MAPK9: variants seen among roughly 807,000 people sequenced by gnomAD.
MAPK9 encodes the protein mitogen-activated protein kinase 9, also known as Jun kinase.
MAPK9 carries 30 observed loss-of-function variants against 57.1 expected under a neutral mutation model. The ratio of observed to expected loss-of-function variants is 0.53; its 90% CI spans 0.39 to 0.71. The LOEUF (loss-of-function observed/expected upper bound fraction) is 0.71, where lower values mean the gene tolerates loss of function less well. MAPK9 is among the 30% of genes least tolerant of loss of function. The probability of loss-of-function intolerance (pLI) is 0.00; values close to 1 mark genes in which losing one functional copy is unlikely to be tolerated. For synonymous variants in MAPK9, 155 were observed against 177.0 expected, an observed-to-expected ratio of 0.88 and a Z score of 0.99; for missense variants, 362 against 521.0, an observed-to-expected ratio of 0.69 and a Z score of 2.97.
intron 6 of MAPK9, among the ~76,000 whole-genome samples, chr5:180,248,610 G>C (rs890299340): frequency 6.6e-6 from 1 of 152,206 alleles, no homozygotes; most frequent in Non-Finnish European, 1.5e-5. Context: ...TGGAGATCAG[G>C]AGATTGGCCA....
intron 10 of MAPK9, among the ~76,000 whole-genome samples, chr5:180,238,969 T>G (rs1757427614): frequency 6.6e-6 from 1 of 152,202 alleles, no homozygotes; most frequent in Non-Finnish European, 1.5e-5. Flanking sequence ...TGGTTCTGGA[T>G]CCATAAGGGG....
At chr5:180,237,589 C>T (rs1474475571) in intron 11 of MAPK9, 2 of 152,128 alleles carry the variant, frequency 1.3e-5, no homozygotes, top group Non-Finnish European at 2.9e-5. Context: ...TTGGGTGGGA[C>T]CAGTACAAAG....
intron 5 of MAPK9, chr5:180,257,868 A>T (rs4623111): frequency 1 from 182,540 of 182,848 alleles, 91,118 homozygotes; most frequent in Middle Eastern, 1. Context: ...GTGAATGCAG[A>T]GTGTGTGGAC....
At chr5:180,290,174 C>A (rs1763107166) in intron 1 of MAPK9, among the ~76,000 whole-genome samples, 1 of 152,220 alleles carries the variant, frequency 6.6e-6, no homozygotes, top group Non-Finnish European at 1.5e-5. Flanking sequence ...CCACCTTCTT[C>A]TAGAAAACTG....
chr5:180,275,142 T>C (rs1761698671), intron 2 of MAPK9, among the ~76,000 whole-genome samples: 1 of 152,224 alleles, frequency 6.6e-6, no homozygotes, highest in Non-Finnish European at 1.5e-5. Flanking sequence ...CTGCTGTTTC[T>C]GCAGGATTTT....
chr5:180,289,473 C>G (rs1763045124), intron 1 of MAPK9, among the ~76,000 whole-genome samples: 1 of 152,018 alleles, frequency 6.6e-6, no homozygotes, highest in African/African-American at 2.4e-5. Flanking sequence ...TCTTCCAGAA[C>G]AAGTTAAAAG....
rs573095810 is a variant in MAPK9 at position 180,275,544 on chromosome 5, A to G, written c.122+4896T>C. ...CAACAGCCCCTTCCAGAATTTTCAA[A>G]TGCCCCCAAGGGAAAGACAGCCCCA... On this transcript the variant is annotated intron_variant, in intron 2 of 11. Transcript: ENST00000452135. Among the ~76,000 whole-genome samples, 4 of 152,278 alleles carry G rather than the reference A, an allele frequency of 2.6e-5. No individual in the cohort carries two copies. In the East Asian group the frequency reaches 7.7e-4, roughly 29 times the overall value.
intron 1 of MAPK9, among the ~76,000 whole-genome samples, chr5:180,284,187 A>T (rs1294461494): frequency 6.6e-6 from 1 of 152,224 alleles, no homozygotes; most frequent in African/African-American, 2.4e-5. Context: ...AGTTTTACAA[A>T]TCGGGAAGTA....
chr5:180,239,641 T>G lies in MAPK9; in HGVS notation c.1060+283A>C, dbSNP rs73340738. ...AAAAACATATCAATCAATATAAGTA[T>G]GATACAATTACTAAGCTCAGTTTAT... On this transcript the variant is annotated intron_variant, in intron 10 of 11. Coordinates refer to ENST00000452135, the MANE Select transcript of MAPK9 (RefSeq NM_002752.5). Among the ~76,000 whole-genome samples the G allele has an allele frequency of 1.8e-3, 268 of 152,326 alleles. 1 individual carries two copies. The highest frequency in any genetic ancestry group is 6.3e-3 in the African/African-American group (263 of 41,578).
At chr5:180,249,222 G>A (rs527740894) in intron 5 of MAPK9, 84 bp from the exon 6 acceptor site, 1 of 1,294,532 alleles carries the variant, frequency 7.7e-7, no homozygotes, top group Non-Finnish European at 1.1e-6. Flanking sequence ...CGTGAAGCCA[G>A]TGTGAGAGTG....
chr5:180,272,258 G>A (rs1307812867), intron 2 of MAPK9, among the ~76,000 whole-genome samples: 1 of 152,188 alleles, frequency 6.6e-6, no homozygotes, highest in African/African-American at 2.4e-5. Context: ...AAGGTGCATG[G>A]AAGATAGATG....
chr5:180,256,447 C>T (rs950392885), intron 5 of MAPK9, among the ~76,000 whole-genome samples: 4 of 152,088 alleles, frequency 2.6e-5, no homozygotes, highest in African/African-American at 7.2e-5. Flanking sequence ...TTGCTTTATA[C>T]ACCTGTGCAA....
At chr5:180,273,808 G>C (rs1055637404) in intron 2 of MAPK9, among the ~76,000 whole-genome samples, 1 of 152,168 alleles carries the variant, frequency 6.6e-6, no homozygotes, top group African/African-American at 2.4e-5. Flanking sequence ...GCATGACTCT[G>C]TTTCAGGGCT....
At chr5:180,259,045 A>C (rs949350584) in intron 5 of MAPK9, among the ~76,000 whole-genome samples, 3 of 152,116 alleles carry the variant, frequency 2.0e-5, no homozygotes, top group Admixed American at 2.0e-4. Flanking sequence ...AAAAAAAAAA[A>C]AAAATGTGGT....
At chr5:180,251,213 G>A (rs1278524368) in intron 5 of MAPK9, among the ~76,000 whole-genome samples, 2 of 152,122 alleles carry the variant, frequency 1.3e-5, no homozygotes, top group Non-Finnish European at 2.9e-5. Flanking sequence ...CCAGGAGGCT[G>A]ATTTCTGAGG....
Position 180,291,945 on chromosome 5 carries a change from G to GCCGGC in MAPK9, c.-150_-146dup, listed in dbSNP as rs1401651408. On this transcript the variant is annotated 5_prime_UTR_variant, in exon 1 of 12. Transcript: ENST00000452135. ...CTGGCTCCGCGGCCCCGGCTCCGCC[G>GCCGGC]CCGGCCCGCCCCGCTCCGCTCCGCC... is the stretch of plus-strand genomic sequence containing the variant. 1.4e-5 allele frequency: 2 copies of GCCGGC among 146,718 alleles called. No individual in the cohort carries two copies. The highest frequency in any genetic ancestry group is 3.0e-5 in the Non-Finnish European group (2 of 67,278). 9.1% of individuals were successfully genotyped at this position (146,718 alleles called of 1,614,324 possible). A position where few individuals can be genotyped will look rare whatever the true frequency, so the allele number is the denominator to read the frequency against.
At chr5:180,238,277 A>G in intron 11 of MAPK9, 55 bp downstream of exon 11, 7 of 1,472,852 alleles carry the variant, frequency 4.8e-6, no homozygotes, top group Non-Finnish European at 1.9e-6. Context: ...CTCAAAAAAA[A>G]AAAGTTGAAT....
At chr5:180,274,407 TG>T (rs1033589364) in intron 2 of MAPK9, among the ~76,000 whole-genome samples, 6 of 152,174 alleles carry the variant, frequency 3.9e-5, no homozygotes, top group African/African-American at 1.4e-4. Context: ...CTCTGGCTCA[TG>T]GAAAGGGTGG....
intron 3 of MAPK9, 135 bp from the exon 4 acceptor site, chr5:180,264,974 C>A (rs990579829): frequency 3.2e-6 from 2 of 621,914 alleles, no homozygotes; most frequent in South Asian, 7.7e-5. Flanking sequence ...ACTGCTTTTA[C>A]CAATTACATG....
Sources: allele counts gnomAD v4.1 joint callset (sites outside exome capture counted in the v4.1 genomes callset), GRCh38; gene constraint gnomAD v4.1.1; transcripts MANE v1.5; gene names NCBI Gene and HGNC (gene_info 2026-07-23, HGNC 2026-07-21).